Variants in MAD1L1 observed in about 807,000 individuals in gnomAD.
MAD1L1 encodes mitotic arrest deficient 1 like 1.
In MAD1L1, 95 loss-of-function variants were observed where a neutral mutation model predicts 96.9. The observed-to-expected ratio is 0.98, with a 90% CI of 0.83 to 1.16. The LOEUF (loss-of-function observed/expected upper bound fraction) is 1.16, where lower values mean the gene tolerates loss of function less well. MAD1L1 is among the 50% of genes most tolerant of loss of function. The pLI is 0.00. For missense variants in MAD1L1, 1,007 were observed against 954.4 expected (o/e 1.06, Z -0.73); for synonymous variants, 473 against 396.6 (o/e 1.19, Z -2.29).
At chr7:2,001,174 C>T (rs994981122) in intron 14 of MAD1L1, among the ~76,000 whole-genome samples, 2 of 152,234 alleles carry the variant, frequency 1.3e-5, no homozygotes, top group Non-Finnish European at 2.9e-5. Flanking sequence ...GGATGCCCGA[C>T]GGGAGCCTCG....
chr7:2,216,030 G>A, intron 8 of MAD1L1, 31 bp from the exon 9 acceptor site: 2 of 1,612,202 alleles, frequency 1.2e-6, no homozygotes, highest in Non-Finnish European at 1.7e-6. Flanking sequence ...CGCTCAAATA[G>A]CCACACACCC....
chr7:1,930,604 C>G (rs1468521596), intron 17 of MAD1L1, among the ~76,000 whole-genome samples: 1 of 146,402 alleles, frequency 6.8e-6, no homozygotes, highest in African/African-American at 2.6e-5. Context: ...CCCACTGCCA[C>G]GTGTCCCCTT....
intron 12 of MAD1L1, among the ~76,000 whole-genome samples, chr7:2,051,121 G>C (rs1468202119): frequency 6.6e-6 from 1 of 152,240 alleles, no homozygotes; most frequent in East Asian, 1.9e-4. Context: ...TCAGGCCAAA[G>C]CCTGGGTAGG....
At chr7:2,180,940 A>G (rs1272737811) in intron 10 of MAD1L1, among the ~76,000 whole-genome samples, 2 of 152,160 alleles carry the variant, frequency 1.3e-5, no homozygotes, top group Admixed American at 6.5e-5. Context: ...TGCTGAACAG[A>G]AGTGGAGAAA....
intron 10 of MAD1L1, among the ~76,000 whole-genome samples, chr7:2,204,413 A>G (rs1792482957): frequency 6.6e-6 from 1 of 152,222 alleles, no homozygotes; most frequent in Admixed American, 6.5e-5. Context: ...CTGTGCGGCG[A>G]TCACATCCAT....
chr7:1,898,447 C>A (rs1433705667), intron 17 of MAD1L1, 57 bp from the exon 18 acceptor site: 1 of 1,529,368 alleles, frequency 6.5e-7, no homozygotes, highest in Non-Finnish European at 9.0e-7. Flanking sequence ...GGGGTGGGGA[C>A]CCGGGAGCGG....
chr7:1,951,060 C>T (rs1018057540), intron 16 of MAD1L1, among the ~76,000 whole-genome samples: 4 of 152,264 alleles, frequency 2.6e-5, no homozygotes, highest in African/African-American at 4.8e-5. Context: ...TTCCCAGACA[C>T]GTGGGCTTCA....
chr7:2,055,908 G>C lies in MAD1L1; in HGVS notation c.1218+13286C>G, dbSNP rs1252705550. ...GCTGGAGAATCGCTTGAACCCAGGA[G>C]GCAGAGGTTGCAGTGAGCTGAGATC... On this transcript the variant is annotated intron_variant, in intron 12 of 18. Coordinates refer to ENST00000265854, the MANE Select transcript of MAD1L1 (RefSeq NM_001013836.2). Among the ~76,000 whole-genome samples, 3 of 152,290 alleles carry C rather than the reference G, an allele frequency of 2.0e-5. No individual in the cohort carries two copies. In the East Asian group the frequency reaches 5.8e-4, roughly 29 times the overall value.
chr7:1,839,736 C>T (rs1583514344), intron 18 of MAD1L1, among the ~76,000 whole-genome samples: 1 of 151,986 alleles, frequency 6.6e-6, no homozygotes, highest in African/African-American at 2.4e-5. Flanking sequence ...TTAGAACATC[C>T]CCCCCGCCTC....
chr7:1,939,115 G>A (rs1757068586), intron 16 of MAD1L1, among the ~76,000 whole-genome samples: 1 of 118,860 alleles, frequency 8.4e-6, no homozygotes, highest in Non-Finnish European at 1.7e-5. Flanking sequence ...CAGGGCCAGA[G>A]GCGCGCACAC....
At chr7:2,139,997 C>CCCCCCCCCCCG (rs375660018) in intron 11 of MAD1L1, among the ~76,000 whole-genome samples, 3 of 148,838 alleles carry the variant, frequency 2.0e-5, no homozygotes, top group South Asian at 2.2e-4. Context: ...CCCCGCCCCC[C>CCCCCCCCCCCG]CCCAGTCCCT....
chr7:1,940,976 C>CTCCTCTTCCTCTCCCAGGCCTCACCG (rs1778955982), intron 16 of MAD1L1, among the ~76,000 whole-genome samples: 5 of 149,778 alleles, frequency 3.3e-5, no homozygotes, highest in Non-Finnish European at 7.5e-5. Flanking sequence ...AGGCCTCACC[C>CTCCTCTTCCTCTCCCAGGCCTCACCG]TCCTCTTCCT....
At chr7:1,894,611 A>G (rs1786751287) in intron 18 of MAD1L1, among the ~76,000 whole-genome samples, 1 of 152,164 alleles carries the variant, frequency 6.6e-6, no homozygotes, top group Non-Finnish European at 1.5e-5. Flanking sequence ...GTCAGCCCTC[A>G]TGAACATGCT....
At chr7:2,167,419 G>C (rs1448996430) in intron 10 of MAD1L1, among the ~76,000 whole-genome samples, 1 of 152,076 alleles carries the variant, frequency 6.6e-6, no homozygotes, top group Non-Finnish European at 1.5e-5. Context: ...CATGGTGGCG[G>C]GCGCCTGTAG....
intron 18 of MAD1L1, among the ~76,000 whole-genome samples, chr7:1,880,326 C>G (rs1356900095): frequency 1.3e-5 from 2 of 152,162 alleles, no homozygotes; most frequent in African/African-American, 4.8e-5. Context: ...AGCCCTGCAC[C>G]AGGTCATGAT....
chr7:1,815,836 G>T lies in MAD1L1; in HGVS notation c.*234C>A. On this transcript the variant is annotated 3_prime_UTR_variant, in exon 19 of 19. Coordinates refer to ENST00000265854, the MANE Select transcript of MAD1L1 (RefSeq NM_001013836.2). ...TTATTTCACAAGGTGAGGAACCCAG[G>T]CTGGTGGCCGACGCCCACACACCAG... is the stretch of plus-strand genomic sequence containing the variant. 3 of 536,720 alleles carry T rather than the reference G, an allele frequency of 5.6e-6. No homozygotes were observed. The highest frequency in any genetic ancestry group is 3.3e-5 in the Admixed American group (1 of 29,876). 33.2% of individuals were successfully genotyped at this position (536,720 alleles called of 1,614,324 possible).
intron 10 of MAD1L1, among the ~76,000 whole-genome samples, chr7:2,184,504 T>G (rs1011437858): frequency 6.6e-6 from 1 of 152,172 alleles, no homozygotes; most frequent in Non-Finnish European, 1.5e-5. Context: ...TGGCAATTTC[T>G]TATGAAGTTA....
intron 15 of MAD1L1, among the ~76,000 whole-genome samples, chr7:1,977,079 C>T (rs1780677205): frequency 6.6e-6 from 1 of 152,266 alleles, no homozygotes; most frequent in Admixed American, 6.5e-5. Flanking sequence ...GGGCTGGGGG[C>T]AGAGCTGCCT....
rs76597217 is a variant in MAD1L1 at position 2,229,961 on chromosome 7, C to A, written c.150+23G>T. On this transcript the variant is annotated intron_variant, in intron 3 of 18. Transcript: ENST00000265854. ...CCCAGGGTCTCCCCAGAGCAGACTC[C>A]CACCCAGGCACATGCCACTCACCTG... 2,404 of 1,610,850 alleles carry A rather than the reference C, an allele frequency of 1.5e-3. 58 individuals are homozygous for A. In the East Asian group the frequency reaches 0.044, roughly 29 times the overall value.
Sources: gnomAD v4.1 joint callset for allele counts (sites outside exome capture counted in the v4.1 genomes callset) on GRCh38, gnomAD v4.1.1 for gene constraint, MANE v1.5 for transcripts, NCBI Gene and HGNC (gene_info 2026-07-23, HGNC 2026-07-21) for gene names.